The following LAMA3 variants were observed in gnomAD, a reference collection of about 807,000 sequenced individuals.
The protein encoded by LAMA3 is laminin subunit alpha 3.
LAMA3 carries 281 observed loss-of-function variants against 402.0 expected under a neutral mutation model. The observed-to-expected ratio is 0.70, with a 90% CI of 0.63 to 0.77. The LOEUF (loss-of-function observed/expected upper bound fraction) is 0.77, where lower values mean the gene tolerates loss of function less well. Ranked by LOEUF, LAMA3 falls within the 30% of genes least tolerant of loss-of-function variation. The pLI is 0.00. For synonymous variants in LAMA3, 1,431 were observed against 1,558.4 expected (o/e 0.92, Z 1.93); for missense variants, 3,840 against 4,215.5 (o/e 0.91, Z 2.47).
intron 32 of LAMA3, among the ~76,000 whole-genome samples, chr18:23,855,321 G>T (rs550524194): frequency 1.3e-5 from 2 of 152,344 alleles, no homozygotes; most frequent in East Asian, 3.9e-4. Flanking sequence ...GAGAAGCAAG[G>T]TTCACCCAGC....
chr18:23,823,644 G>C (rs1314380800), intron 20 of LAMA3, among the ~76,000 whole-genome samples: 1 of 152,152 alleles, frequency 6.6e-6, no homozygotes, highest in African/African-American at 2.4e-5. Context: ...CCAGAACTTA[G>C]TTCCAAGCCT....
intron 38 of LAMA3, among the ~76,000 whole-genome samples, chr18:23,874,710 T>G (rs147165440): frequency 4.4e-4 from 67 of 152,372 alleles, no homozygotes; most frequent in African/African-American, 1.6e-3. Context: ...TACTTCAAGA[T>G]TTCCTTTGAG....
rs74563629 is a variant in LAMA3 at position 23,908,101 on chromosome 18, G to A, written c.7015+166G>A. Among the ~76,000 whole-genome samples, 701 of 152,316 alleles carry A rather than the reference G, an allele frequency of 4.6e-3. 38 individuals carry two copies. In the East Asian group the frequency reaches 0.1, roughly 23 times the overall value. On this transcript the variant is annotated intron_variant, in intron 54 of 74. Coordinates refer to ENST00000313654, the MANE Select transcript of LAMA3 (RefSeq NM_198129.4). Reference sequence around the variant, plus strand: ...TTCAAAGCGTATAGATATCCTGCTAGTTGGAAGGACCAGACAGGATTTTTA... The same window carrying A: ...TTCAAAGCGTATAGATATCCTGCTAATTGGAAGGACCAGACAGGATTTTTA...
intron 32 of LAMA3, among the ~76,000 whole-genome samples, chr18:23,850,575 G>A (rs985995672): frequency 4.6e-5 from 7 of 152,140 alleles, no homozygotes; most frequent in Non-Finnish European, 8.8e-5. Flanking sequence ...ATCTCTGATT[G>A]TATCACGGAC....
At chr18:23,747,195 C>A (rs1466103577) in intron 2 of LAMA3, among the ~76,000 whole-genome samples, 4 of 152,064 alleles carry the variant, frequency 2.6e-5, no homozygotes, top group Non-Finnish European at 5.9e-5. Context: ...GAAATAGGAC[C>A]TCAGGGTTCA....
At chr18:23,775,723 T>A in intron 9 of LAMA3, 69 bp from the exon 10 acceptor site, 1 of 1,565,658 alleles carries the variant, frequency 6.4e-7, no homozygotes, top group East Asian at 2.2e-5. Context: ...GCCTGGGAAG[T>A]GTTGGAACAT....
At chr18:23,914,890 A>T (rs1427503689) in intron 58 of LAMA3, 30 bp downstream of exon 58, 23 of 1,559,122 alleles carry the variant, frequency 1.5e-5, no homozygotes, top group Non-Finnish European at 1.9e-5. Flanking sequence ...CACTGAATTA[A>T]ATATTAAAAT....
At chr18:23,818,536 A>G (rs1191541901) in intron 18 of LAMA3, among the ~76,000 whole-genome samples, 2 of 152,236 alleles carry the variant, frequency 1.3e-5, no homozygotes, top group Non-Finnish European at 2.9e-5. Context: ...CTCTGGTTTT[A>G]TCAGAGAATT....
At position 23,858,706 on chromosome 18, in the gene LAMA3, A is replaced by C; in HGVS notation, c.4299A>C (p.Thr1433=). 1.2e-6 allele frequency: 2 copies of C among 1,614,230 alleles called. No individual in the cohort carries two copies. Among genetic ancestry groups the C allele is most frequent in the South Asian group, 2.2e-5 (2 of 91,082 alleles). ...TTCAATAGGAAAATGTAGAAGGCAC[A>C]GAGTGTAATGTGTGTCGAGAAGGCT... ...ACLCKENVEG[T]ECNVCREGSF... is the part of the protein sequence containing the mutation. The change falls in exon 34 of 75, where the codon ACA becomes ACC. Residue 1433 remains threonine, a synonymous_variant. Coordinates refer to ENST00000313654, the MANE Select transcript of LAMA3 (RefSeq NM_198129.4).
rs768090586 is a variant in LAMA3 at position 23,916,653 on chromosome 18, G to C, written c.7881G>C (p.Gln2627His). 6.2e-6 allele frequency: 10 copies of C among 1,614,020 alleles called. No individual in the cohort carries two copies. Among genetic ancestry groups the C allele is most frequent in the Non-Finnish European group, 8.5e-6 (10 of 1,180,022 alleles). Residue 2627 changes from glutamine (Q) to histidine (H), a missense_variant, in exon 60 of 75, where the codon CAG becomes CAC. This residue lies in a region of LAMA3 where 840 missense variants were observed against 981.9 expected (regional missense o/e 0.86). Transcript: ENST00000313654. ...APIPTFGQTIQTTVDRGLLFF... is the reference protein window; with the variant it reads ...APIPTFGQTIHTTVDRGLLFF... ...TCCCAACCTTTGGACAGACAATTCA[G>C]ACCACCGTGGATAGAGGCTTGCTGT...
chr18:23,816,498 G>T lies in LAMA3; in HGVS notation c.2147+11G>T. 1 of 1,607,374 alleles carries T rather than the reference G, an allele frequency of 6.2e-7. No individual in the cohort carries two copies. The highest frequency in any genetic ancestry group is 8.5e-7 in the Non-Finnish European group (1 of 1,174,456). Reference sequence around the variant, plus strand: ...AAAGGTGTGCCAGCGGTGAGTCTTCGGGAGGCTTCTTCCCATGTTCAGGGT... The same window carrying T: ...AAAGGTGTGCCAGCGGTGAGTCTTCTGGAGGCTTCTTCCCATGTTCAGGGT... On this transcript the variant is annotated intron_variant, in intron 18 of 74. Transcript: ENST00000313654.
intron 32 of LAMA3, 21 bp downstream of exon 32, chr18:23,847,689 G>C: frequency 8.1e-6 from 13 of 1,607,032 alleles, no homozygotes; most frequent in Non-Finnish European, 1.1e-5. Context: ...GGAGTAGCCT[G>C]TCTGCTTCTG....
intron 12 of LAMA3, among the ~76,000 whole-genome samples, chr18:23,806,632 T>C (rs946464352): frequency 2.0e-5 from 3 of 152,210 alleles, no homozygotes; most frequent in Non-Finnish European, 2.9e-5. Context: ...GATCTTCCCA[T>C]ATGTCCCCAA....
At chr18:23,745,205 CA>C (rs1238488212) in intron 2 of LAMA3, among the ~76,000 whole-genome samples, 23 of 150,564 alleles carry the variant, frequency 1.5e-4, no homozygotes, top group South Asian at 8.4e-4. Context: ...GTGTAGAGAA[CA>C]AAAAAATATG....
At chr18:23,901,474 G>T in intron 48 of LAMA3, 151 bp downstream of exon 48, 1 of 692,056 alleles carries the variant, frequency 1.4e-6, no homozygotes. Context: ...AAAGCGTTAA[G>T]TGCAAAACCA....
intron 12 of LAMA3, among the ~76,000 whole-genome samples, chr18:23,805,007 A>G (rs2062934774): frequency 6.6e-6 from 1 of 152,216 alleles, no homozygotes; most frequent in Non-Finnish European, 1.5e-5. Flanking sequence ...TTCATAAATT[A>G]CCTAGCCCCA....
chr18:23,772,557 A>G (rs191166412), intron 8 of LAMA3, among the ~76,000 whole-genome samples: 48 of 152,356 alleles, frequency 3.2e-4, no homozygotes, highest in African/African-American at 1.1e-3. Flanking sequence ...GAAGTGGCCA[A>G]TGTGGTTTTA....
At chr18:23,847,005 C>A (rs570671284) in intron 31 of LAMA3, among the ~76,000 whole-genome samples, 2 of 152,200 alleles carry the variant, frequency 1.3e-5, no homozygotes. Context: ...GCTCACTTCA[C>A]GTGACTGCAG....
chr18:23,751,035 C>T lies in LAMA3; in HGVS notation c.802C>T (p.Leu268Phe), dbSNP rs774941533. The T allele has an allele frequency of 1.9e-6, 3 of 1,614,150 alleles. No individual in the cohort carries two copies. The South Asian group carries it at 3.3e-5, about 18-fold the overall frequency. The change falls in exon 5 of 75, where the codon CTT becomes TTT. Residue 268 changes from leucine to phenylalanine, a missense_variant. Transcript: ENST00000313654. ...IRLRFLRTNT[L>F]LGHLISKAQR... ...CTTGCGTTTTCTTAGAACCAATACG[C>T]TTCTTGGACACCTCATCTCCAAAGC...
Sources: allele counts gnomAD v4.1 joint callset (sites outside exome capture counted in the v4.1 genomes callset), GRCh38; gene constraint gnomAD v4.1.1; regional missense constraint gnomAD v4.1.1; transcripts MANE v1.5; gene names NCBI Gene and HGNC (gene_info 2026-07-23, HGNC 2026-07-21).